The following HEATR1 variants were observed in gnomAD, a reference collection of about 807,000 sequenced individuals.
The protein encoded by HEATR1 is HEAT repeat-containing protein 1.
A neutral mutation model predicts 248.2 loss-of-function variants in HEATR1; 77 were observed. The ratio of observed to expected loss-of-function variants is 0.31; its 90% CI spans 0.26 to 0.37. HEATR1 has a LOEUF of 0.37. HEATR1 is among the 10% of genes least tolerant of loss of function. The pLI is 1.00. For synonymous variants in HEATR1, 897 were observed against 923.1 expected, an observed-to-expected ratio of 0.97 and a Z score of 0.51; for missense variants, 2,420 against 2,504.9, an observed-to-expected ratio of 0.97 and a Z score of 0.72.
At chr1:236,598,648 C>A (rs1214515280) in intron 4 of HEATR1, among the ~76,000 whole-genome samples, 2 of 152,158 alleles carry the variant, frequency 1.3e-5, no homozygotes, top group Admixed American at 6.5e-5. Flanking sequence ...AAGTGCTTTA[C>A]GTTCAGATTC....
Position 236,556,188 on chromosome 1 carries a change from A to G in HEATR1, c.5426T>C (p.Leu1809Pro). 1 of 1,614,078 alleles carries G rather than the reference A, an allele frequency of 6.2e-7. No homozygotes were observed. Among genetic ancestry groups the G allele is most frequent in the Non-Finnish European group, 8.5e-7 (1 of 1,180,014 alleles). Residue 1809 changes from leucine to proline, a missense_variant, in exon 38 of 45, where the codon CTT (leucine) becomes CCT (proline). Coordinates refer to ENST00000366582, the MANE Select transcript of HEATR1 (RefSeq NM_018072.6). ...AAGTGTGGTAGCCAGTGTCTTTTTA[A>G]GAGATGTGAGACGGATATTAGCCTG... ...ASQANIRLTS[L>P]KKTLATTLAP...
intron 4 of HEATR1, among the ~76,000 whole-genome samples, chr1:236,598,885 TGCTA>T: frequency 6.6e-6 from 1 of 152,184 alleles, no homozygotes; most frequent in Non-Finnish European, 1.5e-5. Flanking sequence ...GCAAACAAAG[TGCTA>T]ACGGTTAGTC....
chr1:236,583,042 G>A lies in HEATR1; in HGVS notation c.2396C>T (p.Ala799Val), dbSNP rs757307538. ...LVFSLKKFIY[A>V]LKAPKSFPKG... ...AGGAAAAGATTTAGGAGCTTTCAGT[G>A]CATAAATAAATTTTTTCAAGGAAAA... Residue 799 changes from alanine to valine, a missense_variant, in exon 18 of 45, where the codon GCA (alanine) becomes GTA (valine). Coordinates refer to ENST00000366582, the MANE Select transcript of HEATR1 (RefSeq NM_018072.6). 1.4e-5 allele frequency: 22 copies of A among 1,613,944 alleles called. No homozygotes were observed. Among genetic ancestry groups the A allele is most frequent in the Non-Finnish European group, 1.7e-5 (20 of 1,179,988 alleles).
intron 16 of HEATR1, 54 bp from the exon 17 acceptor site, chr1:236,585,270 T>C (rs657629): frequency 0.13 from 198,618 of 1,475,460 alleles, 15,456 homozygotes; most frequent in African/African-American, 0.32. Flanking sequence ...CATAAAACAA[T>C]TTTTTCAACT....
intron 11 of HEATR1, among the ~76,000 whole-genome samples, chr1:236,591,754 C>A (rs990441554): frequency 6.6e-6 from 1 of 152,088 alleles, no homozygotes; most frequent in Admixed American, 6.6e-5. Flanking sequence ...AATTCTCAAA[C>A]AATACTTTTC....
chr1:236,568,684 G>A (rs1663337037), intron 29 of HEATR1, among the ~76,000 whole-genome samples: 1 of 152,066 alleles, frequency 6.6e-6, no homozygotes, highest in South Asian at 2.1e-4. Context: ...AATAGATGGT[G>A]GATGTCAATT....
chr1:236,556,495 C>A (rs1572031819), intron 37 of HEATR1, among the ~76,000 whole-genome samples: 1 of 152,238 alleles, frequency 6.6e-6, no homozygotes, highest in Non-Finnish European at 1.5e-5. Context: ...GACGCACACA[C>A]AGCACCCAGA....
At position 236,572,501 on chromosome 1, in the gene HEATR1, C is replaced by T. The variant is rs1273391426; in HGVS notation, c.3617G>A (p.Arg1206Lys). The T allele has an allele frequency of 6.2e-7, 1 of 1,613,892 alleles. No homozygotes were observed. Among genetic ancestry groups the T allele is most frequent in the Non-Finnish European group, 8.5e-7 (1 of 1,179,894 alleles). The change falls in exon 26 of 45, where the codon AGA becomes AAA. Residue 1206 changes from arginine (R) to lysine (K), a missense_variant. Transcript: ENST00000366582. ...VQEVGGSYWQRVTLILELLQH... is the reference protein window; with the variant it reads ...VQEVGGSYWQKVTLILELLQH... The stretch of plus-strand genomic sequence containing the variant: ...CAGTAATTCCAGGATGAGAGTTACT[C>T]TTTGCCAGTAAGAACCTCCAACTTC...
At chr1:236,572,277 A>T (rs977513675) in intron 26 of HEATR1, 134 bp downstream of exon 26, 4 of 1,056,538 alleles carry the variant, frequency 3.8e-6, no homozygotes, top group Admixed American at 2.5e-5. Flanking sequence ...CAATCTTTTA[A>T]TTTCACCTAT....
At position 236,555,309 on chromosome 1, in the gene HEATR1, G is replaced by A; in HGVS notation, c.5910C>T (p.Asn1970=). 1.2e-6 allele frequency: 2 copies of A among 1,614,134 alleles called. No individual in the cohort carries two copies. Among genetic ancestry groups the A allele is most frequent in the Non-Finnish European group, 1.7e-6 (2 of 1,179,998 alleles). Residue 1970 remains asparagine (N), a synonymous_variant, in exon 41 of 45, where the codon AAC becomes AAT. Transcript: ENST00000366582. ...KPFADTLNQV[N]ISKTDEAFFD... Reference sequence around the variant, plus strand: ...GCGACCACCCACCTGTTTTGGAGATGTTCACCTGGTTCAAGGTGTCAGCAA... The same window carrying A: ...GCGACCACCCACCTGTTTTGGAGATATTCACCTGGTTCAAGGTGTCAGCAA...
chr1:236,598,790 C>CA (rs1420421400), intron 4 of HEATR1, among the ~76,000 whole-genome samples: 8 of 152,162 alleles, frequency 5.3e-5, no homozygotes, highest in Non-Finnish European at 1.5e-5. Flanking sequence ...CCCCATTTGC[C>CA]TCCCCCCCTA....
chr1:236,576,294 T>C lies in HEATR1; in HGVS notation c.3009A>G (p.Leu1003=), dbSNP rs1275938393. Residue 1003 remains leucine (L), a synonymous_variant, in exon 22 of 45, where the codon TTA becomes TTG. Coordinates refer to ENST00000366582, the MANE Select transcript of HEATR1 (RefSeq NM_018072.6). ...HQKLSETLKN[L]LSCVYSCPSY... ...ATGGGCAACTATACACACAACTAAG[T>C]AAGTTTTTCAAAGTTTCAGACAACT... is the stretch of plus-strand genomic sequence containing the variant. 6.2e-7 allele frequency: 1 copy of C among 1,611,924 alleles called. No homozygotes were observed. The highest frequency in any genetic ancestry group is 1.3e-5 in the African/African-American group (1 of 74,838).
rs765823873 is a variant in HEATR1, at chr1:236,574,299, T to C, written c.3362A>G (p.Glu1121Gly). Residue 1121 changes from glutamate (E) to glycine (G), a missense_variant, in exon 24 of 45, where the codon GAA (glutamate) becomes GGA (glycine). By Grantham distance (98) the Glu-to-Gly change is moderately conservative. Coordinates refer to ENST00000366582, the MANE Select transcript of HEATR1 (RefSeq NM_018072.6). ...TCTTAAAAGCTTCTGCTGAACTTTT[T>C]CATCTGATATGGCTGCAAAAAATGG... ...TKPFFAAISDEKVQQKLLRML... is the reference protein window; with the variant it reads ...TKPFFAAISDGKVQQKLLRML... The C allele has an allele frequency of 2.0e-5, 32 of 1,611,754 alleles. No homozygotes were observed. In the South Asian group the frequency reaches 3.4e-4, roughly 17 times the overall value.
Position 236,571,389 on chromosome 1 carries a change from C to A in HEATR1, c.3910G>T (p.Ala1304Ser). Residue 1304 changes from alanine (A) to serine (S), a missense_variant, in exon 28 of 45, where the codon GCC becomes TCC. Ala to Ser is a moderately conservative substitution (Grantham distance 99). Coordinates refer to ENST00000366582, the MANE Select transcript of HEATR1 (RefSeq NM_018072.6). ...LSEMPQTHHH[A>S]LLLLGTVAGI... The stretch of plus-strand genomic sequence containing the variant: ...GCAACAGTGCCCAAAAGTAAAAGGG[C>A]ATGGTGATGGGTCTGCGGCATCTCC... The A allele has an allele frequency of 6.2e-7, 1 of 1,610,400 alleles. No homozygotes were observed. The highest frequency in any genetic ancestry group is 8.5e-7 in the Non-Finnish European group (1 of 1,179,230).
In HEATR1 at chr1:236,583,161, T is replaced by C. The variant is rs1262627688; in HGVS notation, c.2277A>G (p.Leu759=). The C allele has an allele frequency of 6.2e-7, 1 of 1,610,360 alleles. No homozygotes were observed. Among genetic ancestry groups the C allele is most frequent in the Non-Finnish European group, 8.5e-7 (1 of 1,178,930 alleles). ...IPSEWHIELM[L]DRGIPVELWA... ...ACAGCTCCACTGGGATCCCTCTGTC[T>C]AACATCAGTTCAATGTGCCATTCTG... Residue 759 remains leucine (L), a synonymous_variant, in exon 18 of 45, where the codon TTA becomes TTG. Coordinates refer to ENST00000366582, the MANE Select transcript of HEATR1 (RefSeq NM_018072.6).
chr1:236,574,111 G>A lies in HEATR1; in HGVS notation c.3459+91C>T, dbSNP rs182345962. The stretch of plus-strand genomic sequence containing the variant: ...AATGGTAACATCTGACCTCTTACAA[G>A]CACTATAAAATACAGGACTCTTAAA... On this transcript the variant is annotated intron_variant, in intron 24 of 44. Coordinates refer to ENST00000366582, the MANE Select transcript of HEATR1 (RefSeq NM_018072.6). 1.2e-4 allele frequency: 137 copies of A among 1,127,600 alleles called. No individual in the cohort carries two copies. In the African/African-American group the frequency reaches 1.9e-3, roughly 16 times the overall value. The allele number at this position is 1,127,600 out of a possible 1,614,324, so 69.8% of individuals were successfully genotyped here.
At position 236,592,176 on chromosome 1, in the gene HEATR1, C is replaced by A. The variant is rs113681513; in HGVS notation, c.1305-66G>T. The A allele has an allele frequency of 1.8e-3, 1,429 of 801,976 alleles. 18 individuals are homozygous for A. The African/African-American group carries it at 0.02, about 11-fold the overall frequency. 49.7% of individuals were successfully genotyped at this position (801,976 alleles called of 1,614,324 possible). ...ATTTATTAATCTCATACACCATACA[C>A]ATATAAAGGAAAGACATAAAATCTT... On this transcript the variant is annotated intron_variant, in intron 10 of 44. Coordinates refer to ENST00000366582, the MANE Select transcript of HEATR1 (RefSeq NM_018072.6).
At chr1:236,602,583 G>A (rs1187015627) in intron 3 of HEATR1, among the ~76,000 whole-genome samples, 1 of 152,184 alleles carries the variant, frequency 6.6e-6, no homozygotes, top group South Asian at 2.1e-4. Flanking sequence ...ACTGCCTCAA[G>A]TGTGCAGGAA....
chr1:236,581,573 A>G (rs1663741551), intron 19 of HEATR1, among the ~76,000 whole-genome samples, 159 bp from the exon 20 acceptor site: 1 of 152,210 alleles, frequency 6.6e-6, no homozygotes, highest in African/African-American at 2.4e-5. Context: ...CCATGTTTTA[A>G]TGAACTGGGA....
Sources: gnomAD v4.1 joint callset for allele counts (sites outside exome capture counted in the v4.1 genomes callset) on GRCh38, gnomAD v4.1.1 for gene constraint, MANE v1.5 for transcripts, NCBI Gene and HGNC (gene_info 2026-07-23, HGNC 2026-07-21) for gene names.